Variants in MBD5 observed in about 807,000 individuals in gnomAD.
MBD5 encodes the protein methyl-CpG-binding domain protein 5.
Under a neutral mutation model 117.3 loss-of-function variants are expected in MBD5, and 13 were observed. The observed-to-expected ratio is 0.11, with a 90% confidence interval of 0.07 to 0.18. The LOEUF is 0.18. Among genes scored for constraint, MBD5 ranks in the 10% least tolerant of loss-of-function variants. The pLI is 1.00. For synonymous variants in MBD5, 727 were observed against 766.4 expected (o/e 0.95, Z 0.85); for missense variants, 1,879 against 2,093.8 (o/e 0.90, Z 2.00).
chr2:148,233,773 A>G (rs1012210929), intron 3 of MBD5, among the ~76,000 whole-genome samples: 4 of 152,294 alleles, frequency 2.6e-5, no homozygotes, highest in African/African-American at 7.2e-5. Context: ...TTTTCTATTT[A>G]TTTTAGAGTT....
rs762922278 is a variant in MBD5 at position 148,490,107 on chromosome 2, T to A, written c.4475T>A (p.Ile1492Asn). ...CCAAGAAACTGTCCAGGGGATAAAA[T>A]TCTAGAGGAAAATTTCAGGTATAAT... is the stretch of plus-strand genomic sequence containing the variant. ...LPPRNCPGDK[I>N]LEENFRYNNY... Residue 1492 changes from isoleucine to asparagine, a missense_variant, in exon 11 of 14, where the codon ATT (isoleucine) becomes AAT (asparagine). Coordinates refer to ENST00000642680, the MANE Select transcript of MBD5 (RefSeq NM_001378120.1). 1 of 1,613,534 alleles carries A rather than the reference T, an allele frequency of 6.2e-7. No individual in the cohort carries two copies. The highest frequency in any genetic ancestry group is 1.7e-5 in the Admixed American group (1 of 59,956).
intron 4 of MBD5, among the ~76,000 whole-genome samples, chr2:148,400,957 G>T (rs1207014009): frequency 6.6e-6 from 1 of 152,122 alleles, no homozygotes; most frequent in Non-Finnish European, 1.5e-5. Context: ...TACCAATAGA[G>T]AACTATCTAA....
At chr2:148,377,745 C>T (rs528543165) in intron 4 of MBD5, among the ~76,000 whole-genome samples, 1 of 152,176 alleles carries the variant, frequency 6.6e-6, no homozygotes, top group Admixed American at 6.5e-5. Context: ...TCTTGTTTGT[C>T]CTCTGCCCCT....
intron 4 of MBD5, among the ~76,000 whole-genome samples, chr2:148,414,255 C>G (rs1401022134): frequency 2.6e-5 from 4 of 151,686 alleles, no homozygotes; most frequent in Non-Finnish European, 5.9e-5. Context: ...CGGTTAATTT[C>G]CATGAAATTT....
At chr2:148,027,314 A>G (rs1693924929) in intron 1 of MBD5, 1 of 152,160 alleles carries the variant, frequency 6.6e-6, no homozygotes, top group African/African-American at 2.4e-5. Context: ...AAATTATTTC[A>G]TATTTATACT....
At chr2:148,419,832 T>G (rs1014452498) in intron 4 of MBD5, among the ~76,000 whole-genome samples, 3 of 152,166 alleles carry the variant, frequency 2.0e-5, no homozygotes, top group Non-Finnish European at 4.4e-5. Flanking sequence ...TTTATTTCTA[T>G]TAATCATACC....
chr2:148,244,394 A>C (rs1454980903), intron 3 of MBD5: 1 of 152,208 alleles, frequency 6.6e-6, no homozygotes, highest in Non-Finnish European at 1.5e-5. Flanking sequence ...GACAGTAGTT[A>C]AACCATAACA....
intron 4 of MBD5, among the ~76,000 whole-genome samples, chr2:148,446,724 A>G (rs1160830142): frequency 6.6e-6 from 1 of 151,814 alleles, no homozygotes; most frequent in Non-Finnish European, 1.5e-5. Flanking sequence ...AGGTTATCCA[A>G]TGGTGGCCAT....
At chr2:148,251,026 T>A (rs1700452815) in intron 3 of MBD5, among the ~76,000 whole-genome samples, 1 of 152,152 alleles carries the variant, frequency 6.6e-6, no homozygotes, top group Non-Finnish European at 1.5e-5. Flanking sequence ...TTGCTTTTTT[T>A]ATTTTTTACC....
intron 4 of MBD5, among the ~76,000 whole-genome samples, chr2:148,427,427 A>T (rs2105314476): frequency 6.6e-6 from 1 of 151,580 alleles, no homozygotes; most frequent in African/African-American, 2.4e-5. Context: ...GATAGACTGG[A>T]TTCCATATAC....
chr2:148,379,116 A>AT (rs1214799910), intron 4 of MBD5, among the ~76,000 whole-genome samples: 1 of 152,100 alleles, frequency 6.6e-6, no homozygotes, highest in Non-Finnish European at 1.5e-5. Flanking sequence ...ATGGCTAATG[A>AT]TTTTCCAAAA....
intron 3 of MBD5, chr2:148,244,448 AG>A (rs1488705675): frequency 2.6e-5 from 4 of 152,166 alleles, no homozygotes; most frequent in Admixed American, 2.6e-4. Flanking sequence ...TGTTTTGAAT[AG>A]GTAGCCCTTC....
intron 4 of MBD5, among the ~76,000 whole-genome samples, chr2:148,358,345 A>C (rs1226110312): frequency 6.6e-6 from 1 of 152,194 alleles, no homozygotes; most frequent in Non-Finnish European, 1.5e-5. Flanking sequence ...AGATATAGGT[A>C]ATAGGGCTAC....
At chr2:148,271,499 A>G (rs1026496439) in intron 3 of MBD5, among the ~76,000 whole-genome samples, 4 of 152,176 alleles carry the variant, frequency 2.6e-5, no homozygotes, top group Admixed American at 6.5e-5. Context: ...TTTATTTCAT[A>G]TTTCAGCACT....
At chr2:148,324,467 G>A (rs1472187625) in intron 3 of MBD5, among the ~76,000 whole-genome samples, 8 of 152,234 alleles carry the variant, frequency 5.3e-5, no homozygotes, top group African/African-American at 9.6e-5. Context: ...TCCTACCCAT[G>A]AGCATGGAAT....
chr2:148,400,174 A>G (rs1404186), intron 4 of MBD5, among the ~76,000 whole-genome samples: 77,694 of 151,966 alleles, frequency 0.51, 20,171 homozygotes, highest in East Asian at 0.75. Context: ...GAATGTTTTT[A>G]TCTAGTGGAA....
At chr2:148,157,081 TG>T in intron 1 of MBD5, among the ~76,000 whole-genome samples, 1 of 152,324 alleles carries the variant, frequency 6.6e-6, no homozygotes, top group Non-Finnish European at 1.5e-5. Context: ...TAAATAATTT[TG>T]TAAGTTATTA....
intron 4 of MBD5, among the ~76,000 whole-genome samples, chr2:148,438,388 T>C (rs1457780270): frequency 6.6e-6 from 1 of 152,222 alleles, no homozygotes; most frequent in Non-Finnish European, 1.5e-5. Context: ...ATTAAGCAAT[T>C]TTCTGCTTTC....
At chr2:148,176,764 TGA>T (rs528546043) in intron 1 of MBD5, among the ~76,000 whole-genome samples, 2 of 151,114 alleles carry the variant, frequency 1.3e-5, no homozygotes, top group South Asian at 4.2e-4. Context: ...TTAGTAGTTA[TGA>T]GAGAGAGAGA....
Sources: gnomAD v4.1 joint callset for allele counts (sites outside exome capture counted in the v4.1 genomes callset) on GRCh38, gnomAD v4.1.1 for gene constraint, MANE v1.5 for transcripts, NCBI Gene and HGNC (gene_info 2026-07-23, HGNC 2026-07-21) for gene names.